The following PPP3CA variants were observed in gnomAD, a reference collection of about 807,000 sequenced individuals.
PPP3CA encodes the protein CAM-PRP catalytic subunit.
PPP3CA carries 14 observed loss-of-function variants against 66.5 expected under a neutral mutation model. The observed-to-expected ratio is 0.21, with a 90% CI of 0.14 to 0.33. PPP3CA has a LOEUF of 0.33. Ranked by LOEUF, PPP3CA falls within the 10% of genes least tolerant of loss-of-function variation. PPP3CA has a pLI of 1.00. For synonymous variants in PPP3CA, 232 were observed against 226.2 expected, an observed-to-expected ratio of 1.03 and a Z score of -0.23; for missense variants, 317 against 639.5, an observed-to-expected ratio of 0.50 and a Z score of 5.44.
intron 4 of PPP3CA, among the ~76,000 whole-genome samples, chr4:101,098,986 G>A (rs756344789): frequency 2.0e-5 from 3 of 152,022 alleles, no homozygotes; most frequent in Non-Finnish European, 2.9e-5. Flanking sequence ...AAGTCTTTAT[G>A]CTCCATTGAA....
chr4:101,235,867 T>C (rs554449934), intron 1 of PPP3CA, among the ~76,000 whole-genome samples: 1 of 152,028 alleles, frequency 6.6e-6, no homozygotes, highest in African/African-American at 2.4e-5. Context: ...CCATATGACT[T>C]TCCAATAAAA....
intron 8 of PPP3CA, among the ~76,000 whole-genome samples, chr4:101,078,160 C>T (rs1320996803): frequency 6.6e-6 from 1 of 152,072 alleles, no homozygotes; most frequent in Admixed American, 6.5e-5. Flanking sequence ...TAGAACAATA[C>T]ACTCATGTTT....
intron 2 of PPP3CA, among the ~76,000 whole-genome samples, chr4:101,187,774 T>C (rs1724461444): frequency 6.6e-6 from 1 of 152,160 alleles, no homozygotes; most frequent in Admixed American, 6.6e-5. Flanking sequence ...AAGAGGATAA[T>C]GAATTTCTAC....
chr4:101,109,308 TAAAAAAAAAAA>T (rs70961775), intron 2 of PPP3CA, among the ~76,000 whole-genome samples: 1 of 90,060 alleles, frequency 1.1e-5, no homozygotes, highest in Admixed American at 1.2e-4. Flanking sequence ...ACAGATTAAC[TAAAAAAAAAAA>T]AAAAAAAAAA....
At position 101,198,223 on chromosome 4, in the gene PPP3CA, T is replaced by G. The variant is rs114255822; in HGVS notation, c.59-2107A>C. On this transcript the variant is annotated intron_variant, in intron 1 of 13. Transcript: ENST00000394854. ...TTTTTTTTCCTCTGCTCTCCCTGCTTTTCCTCGCTTGACTGATAGAGTATG... is the reference window on the plus strand; with the variant it reads ...TTTTTTTTCCTCTGCTCTCCCTGCTGTTCCTCGCTTGACTGATAGAGTATG... Among the ~76,000 whole-genome samples, 1,226 of 152,298 alleles carry G rather than the reference T, an allele frequency of 8.1e-3. 16 individuals are homozygous for G. The highest frequency in any genetic ancestry group is 0.028 in the African/African-American group (1,178 of 41,576).
intron 1 of PPP3CA, among the ~76,000 whole-genome samples, chr4:101,339,736 G>C (rs1729749012): frequency 6.6e-6 from 1 of 152,174 alleles, no homozygotes; most frequent in Non-Finnish European, 1.5e-5. Context: ...AAGGCATTGA[G>C]CTAGGGACCA....
At chr4:101,082,192 G>T (rs144385802) in intron 7 of PPP3CA, among the ~76,000 whole-genome samples, 1 of 152,228 alleles carries the variant, frequency 6.6e-6, no homozygotes, top group East Asian at 1.9e-4. Context: ...GACTGGTTGG[G>T]TATATAAACA....
At chr4:101,111,586 C>T (rs1721671112) in intron 2 of PPP3CA, among the ~76,000 whole-genome samples, 1 of 152,098 alleles carries the variant, frequency 6.6e-6, no homozygotes, top group Non-Finnish European at 1.5e-5. Flanking sequence ...TAATCAAAGG[C>T]ATTAGAGGCG....
intron 2 of PPP3CA, among the ~76,000 whole-genome samples, chr4:101,181,025 T>A (rs1724220054): frequency 6.6e-6 from 1 of 151,902 alleles, no homozygotes. Flanking sequence ...ACATTCCAGG[T>A]GAGTGACAAA....
At chr4:101,183,892 T>C (rs1027174766) in intron 2 of PPP3CA, among the ~76,000 whole-genome samples, 1 of 152,278 alleles carries the variant, frequency 6.6e-6, no homozygotes, top group South Asian at 2.1e-4. Context: ...ACTTACCCTA[T>C]GAACCTTGTG....
At chr4:101,136,411 T>C (rs781750125) in intron 2 of PPP3CA, among the ~76,000 whole-genome samples, 1 of 152,016 alleles carries the variant, frequency 6.6e-6, no homozygotes, top group Non-Finnish European at 1.5e-5. Flanking sequence ...CATGGTGGCA[T>C]GTGCCTGTAG....
intron 1 of PPP3CA, among the ~76,000 whole-genome samples, chr4:101,252,512 A>G (rs572247911): frequency 6.6e-6 from 1 of 152,286 alleles, no homozygotes; most frequent in Non-Finnish European, 1.5e-5. Flanking sequence ...ACTGTGAAAC[A>G]GGTGAAAGGA....
intron 5 of PPP3CA, among the ~76,000 whole-genome samples, chr4:101,095,782 G>C (rs563920526): frequency 1.3e-5 from 2 of 152,148 alleles, no homozygotes; most frequent in Non-Finnish European, 2.9e-5. Flanking sequence ...CTCCTGAGTA[G>C]CTGGGATTAC....
At chr4:101,044,652 C>T (rs1045011394) in intron 10 of PPP3CA, among the ~76,000 whole-genome samples, 1 of 152,092 alleles carries the variant, frequency 6.6e-6, no homozygotes, top group African/African-American at 2.4e-5. Context: ...TCTCCTTTCA[C>T]CTTTTTAAGT....
intron 1 of PPP3CA, among the ~76,000 whole-genome samples, chr4:101,333,794 A>C (rs1291119209): frequency 6.6e-6 from 1 of 152,234 alleles, no homozygotes; most frequent in African/African-American, 2.4e-5. Flanking sequence ...CAGTCTATGA[A>C]GGCAGCTTAT....
chr4:101,158,303 G>T (rs1192741197), intron 2 of PPP3CA: 3 of 152,204 alleles, frequency 2.0e-5, no homozygotes, highest in East Asian at 1.9e-4. Context: ...CTCCAGGGAA[G>T]ATCAGCAGCG....
chr4:101,176,380 T>C (rs1032485092), intron 2 of PPP3CA, among the ~76,000 whole-genome samples: 11 of 152,146 alleles, frequency 7.2e-5, no homozygotes, highest in African/African-American at 2.7e-4. Context: ...TCCATTGTTA[T>C]TCGGAAGGAA....
chr4:101,269,750 C>G (rs4699163), intron 1 of PPP3CA, among the ~76,000 whole-genome samples: 99,295 of 152,048 alleles, frequency 0.65, 33,540 homozygotes, highest in Non-Finnish European at 0.75. Flanking sequence ...GCATAATTAC[C>G]CACCTCAATG....
intron 1 of PPP3CA, among the ~76,000 whole-genome samples, chr4:101,227,120 A>ACATACATACATG (rs1191435441): frequency 1.7e-4 from 3 of 17,176 alleles, no homozygotes; most frequent in African/African-American, 4.1e-4. Flanking sequence ...GTACATACAC[A>ACATACATACATG]CATACATACA....
Sources: allele counts gnomAD v4.1 joint callset (sites outside exome capture counted in the v4.1 genomes callset), GRCh38; gene constraint gnomAD v4.1.1; transcripts MANE v1.5; gene names NCBI Gene and HGNC (gene_info 2026-07-23, HGNC 2026-07-21).